Variants in PRKG1 observed in about 807,000 individuals in gnomAD.
PRKG1 encodes protein kinase cGMP-dependent 1.
In PRKG1, 35 loss-of-function variants were observed where a neutral mutation model predicts 88.1. The observed-to-expected ratio is 0.40, with a 90% confidence interval of 0.30 to 0.53. The LOEUF is 0.53. Among genes scored for constraint, PRKG1 ranks in the 20% least tolerant of loss-of-function variants. The pLI is 0.59. For missense variants in PRKG1, 540 were observed against 839.8 expected, an observed-to-expected ratio of 0.64 and a Z score of 4.41; for synonymous variants, 303 against 292.5, an observed-to-expected ratio of 1.04 and a Z score of -0.37.
At chr10:52,201,293 C>T (rs1038981541) in intron 9 of PRKG1, among the ~76,000 whole-genome samples, 2 of 152,148 alleles carry the variant, frequency 1.3e-5, no homozygotes, top group Non-Finnish European at 2.9e-5. Context: ...TATTCCAGCA[C>T]TATTTATTAA....
chr10:51,292,933 CT>C (rs1470073382), intron 2 of PRKG1, among the ~76,000 whole-genome samples: 1 of 152,010 alleles, frequency 6.6e-6, no homozygotes, highest in East Asian at 1.9e-4. Context: ...CTCTAATGAA[CT>C]TTGGAGGATT....
intron 5 of PRKG1, among the ~76,000 whole-genome samples, chr10:52,028,289 C>T (rs748650325): frequency 2.6e-5 from 4 of 152,114 alleles, no homozygotes; most frequent in Non-Finnish European, 5.9e-5. Context: ...CCTATCTGCA[C>T]ATTCTATTAT....
At chr10:51,547,823 G>A (rs78670452) in intron 3 of PRKG1, among the ~76,000 whole-genome samples, 3,570 of 151,998 alleles carry the variant, frequency 0.023, 105 homozygotes, top group African/African-American at 0.061. Context: ...TATGTTCTAC[G>A]TGCAATTAAT....
chr10:52,209,751 C>A (rs192791035), intron 9 of PRKG1, among the ~76,000 whole-genome samples: 26 of 152,156 alleles, frequency 1.7e-4, no homozygotes, highest in African/African-American at 6.0e-4. Context: ...CCCTCATCAC[C>A]CATCTCAAAT....
chr10:51,346,260 C>T (rs1199681407), intron 2 of PRKG1, among the ~76,000 whole-genome samples: 1 of 152,162 alleles, frequency 6.6e-6, no homozygotes, highest in Non-Finnish European at 1.5e-5. Flanking sequence ...AAGTGCAGGA[C>T]ATAGTCTATA....
At chr10:51,268,694 A>T (rs548502036) in intron 2 of PRKG1, among the ~76,000 whole-genome samples, 2 of 152,244 alleles carry the variant, frequency 1.3e-5, no homozygotes, top group East Asian at 3.9e-4. Flanking sequence ...TGTACAGTTA[A>T]CACAATCATC....
intron 2 of PRKG1, chr10:51,302,581 TA>T (rs1428616788): frequency 2.0e-5 from 3 of 150,716 alleles, no homozygotes; most frequent in Non-Finnish European, 4.4e-5. Flanking sequence ...AACGAGCAGA[TA>T]TTTATAACTG....
intron 2 of PRKG1, among the ~76,000 whole-genome samples, chr10:51,254,306 A>G (rs1425253746): frequency 6.6e-6 from 1 of 151,924 alleles, no homozygotes; most frequent in Non-Finnish European, 1.5e-5. Context: ...TCTCGCTCAT[A>G]TTGTTATCCA....
At chr10:51,292,371 G>T (rs1307827659) in intron 2 of PRKG1, among the ~76,000 whole-genome samples, 1 of 152,116 alleles carries the variant, frequency 6.6e-6, no homozygotes, top group Non-Finnish European at 1.5e-5. Context: ...CACAGAATGG[G>T]TGAGACTTGT....
chr10:51,970,839 T>TA (rs1333415595), intron 5 of PRKG1, among the ~76,000 whole-genome samples: 1 of 147,838 alleles, frequency 6.8e-6, no homozygotes, highest in Non-Finnish European at 1.5e-5. Context: ...GTGATATATA[T>TA]ATATATATAT....
chr10:51,740,452 G>A (rs937048200), intron 3 of PRKG1, among the ~76,000 whole-genome samples: 13 of 152,012 alleles, frequency 8.6e-5, no homozygotes, highest in Non-Finnish European at 1.2e-4. Context: ...ATTTTTCATT[G>A]AAAATATTTT....
intron 3 of PRKG1, among the ~76,000 whole-genome samples, chr10:51,529,827 A>G (rs1001779815): frequency 2.0e-5 from 3 of 152,226 alleles, no homozygotes; most frequent in African/African-American, 4.8e-5. Context: ...AGCACTTTAT[A>G]AAGCTCTATT....
chr10:52,117,166 G>GTGTGTGTA (rs1401297191), intron 7 of PRKG1, among the ~76,000 whole-genome samples: 10 of 93,546 alleles, frequency 1.1e-4, no homozygotes, highest in African/African-American at 3.9e-4. Flanking sequence ...TGAAATATCT[G>GTGTGTGTA]TGTGTGTGTG....
chr10:51,642,206 A>G (rs1231677336), intron 3 of PRKG1, among the ~76,000 whole-genome samples: 1 of 152,104 alleles, frequency 6.6e-6, no homozygotes, highest in East Asian at 1.9e-4. Context: ...CCTGACCAAC[A>G]TGGTGAAACT....
At chr10:51,958,693 G>A (rs1843374419) in intron 5 of PRKG1, among the ~76,000 whole-genome samples, 2 of 151,330 alleles carry the variant, frequency 1.3e-5, no homozygotes. Flanking sequence ...TTTAAATAAA[G>A]TATATTTCCT....
intron 2 of PRKG1, among the ~76,000 whole-genome samples, chr10:51,409,113 A>G (rs1020422687): frequency 6.6e-6 from 1 of 152,196 alleles, no homozygotes; most frequent in African/African-American, 2.4e-5. Context: ...GCCCACTGGG[A>G]AGATTTCCCT....
At chr10:51,696,343 C>A (rs1841292655) in intron 3 of PRKG1, 1 of 150,832 alleles carries the variant, frequency 6.6e-6, no homozygotes, top group African/African-American at 2.5e-5. Flanking sequence ...GAGAGTTTTA[C>A]TTAGTGAAAC....
At chr10:51,864,186 T>C (rs1840958404) in intron 4 of PRKG1, among the ~76,000 whole-genome samples, 1 of 152,156 alleles carries the variant, frequency 6.6e-6, no homozygotes, top group African/African-American at 2.4e-5. Context: ...ACTAACTGGT[T>C]GAGTTGGCAT....
chr10:51,121,586 C>T (rs1845261898), intron 1 of PRKG1, among the ~76,000 whole-genome samples: 1 of 152,144 alleles, frequency 6.6e-6, no homozygotes, highest in Admixed American at 6.6e-5. Context: ...CAACTCTCTG[C>T]AGAAGGTACT....
Sources: allele counts gnomAD v4.1 joint callset (sites outside exome capture counted in the v4.1 genomes callset), GRCh38; gene constraint gnomAD v4.1.1; transcripts MANE v1.5; gene names NCBI Gene and HGNC (gene_info 2026-07-23, HGNC 2026-07-21).